Variants in CTSZ observed in about 807,000 individuals in gnomAD.
CTSZ encodes the protein carboxypeptidase LB.
CTSZ carries 39 observed loss-of-function variants against 32.4 expected under a neutral mutation model. That is an observed-to-expected ratio of 1.20 (90% CI 0.93 to 1.57). CTSZ has a LOEUF of 1.57. CTSZ is among the 40% of genes most tolerant of loss of function. CTSZ has a pLI of 0.00. For synonymous variants in CTSZ, 168 were observed against 170.1 expected (o/e 0.99, Z 0.10); for missense variants, 397 against 419.6 (o/e 0.95, Z 0.47).
At chr20:58,998,726 AAAG>A (rs1256089728) in intron 3 of CTSZ, among the ~76,000 whole-genome samples, 1 of 152,188 alleles carries the variant, frequency 6.6e-6, no homozygotes, top group Non-Finnish European at 1.5e-5. Flanking sequence ...AATTTAAAAA[AAAG>A]AAAAAGTACA....
chr20:58,995,701 C>G lies in CTSZ; in HGVS notation c.860G>C (p.Arg287Thr), dbSNP rs1373323945. 1.2e-6 allele frequency: 2 copies of G among 1,614,074 alleles called. No individual in the cohort carries two copies. Among genetic ancestry groups the G allele is most frequent in the Non-Finnish European group, 1.7e-6 (2 of 1,180,032 alleles). The part of the protein sequence containing the change: ...TSTYKDGKGA[R>T]YNLAIEEHCT... ...GTGCTCCTCGATGGCAAGGTTGTAT[C>G]TGGCGCCCTTCCCATCCTTATAGGT... The change falls in exon 6 of 6, where the codon AGA becomes ACA. Residue 287 changes from arginine (R) to threonine (T), a missense_variant. Physicochemically the swap from Arg to Thr is moderately conservative, Grantham distance 71 (BLOSUM62 -1). Coordinates refer to ENST00000217131, the MANE Select transcript of CTSZ (RefSeq NM_001336.4).
At position 59,002,055 on chromosome 20, in the gene CTSZ, G is replaced by A. The variant is rs1210904728; in HGVS notation, c.308-411C>T. 6.6e-6 allele frequency among the ~76,000 whole-genome samples: 1 copy of A among 152,260 alleles called. No individual in the cohort carries two copies. The highest frequency in any genetic ancestry group is 1.5e-5 in the Non-Finnish European group (1 of 68,040). On this transcript the variant is annotated intron_variant, in intron 2 of 5. Transcript: ENST00000217131. The surrounding 1 kb of genome is among the most constrained non-coding windows in gnomAD (Gnocchi z 4.1). ...GCCAGGAGAGACCGTCCCTGCCCTC[G>A]TGGACAGGGGGCCAAGGTGTCAGCT...
chr20:58,996,952 T>C (rs2091863516), intron 4 of CTSZ, 151 bp from the exon 5 acceptor site: 1 of 772,186 alleles, frequency 1.3e-6, no homozygotes, highest in African/African-American at 1.8e-5. Flanking sequence ...AGTCCAGGAA[T>C]TCAAGACCAG....
intron 2 of CTSZ, 22 bp downstream of exon 2, chr20:59,006,300 C>T (rs541770537): frequency 4.4e-6 from 7 of 1,578,968 alleles, no homozygotes; most frequent in Non-Finnish European, 2.6e-6. Context: ...TCCTGGCCCA[C>T]AGTCAAAGGG....
chr20:59,001,110 T>C (rs991541349), intron 3 of CTSZ, among the ~76,000 whole-genome samples: 4 of 152,180 alleles, frequency 2.6e-5, no homozygotes, highest in African/African-American at 9.7e-5. Flanking sequence ...ATTACAGGCA[T>C]GAGCCACCGC....
Position 58,997,605 on chromosome 20 carries a change from G to C in CTSZ, c.636C>G (p.Ile212Met). ...MMAEIYANGP[I>M]SCGIMATERL... ...TTGCCCGCGGGACCTCTCCTCACCT[G>C]ATGGGACCATTTGCATAGATTTCTG... The change falls in exon 4 of 6, where the codon ATC becomes ATG. Residue 212 changes from isoleucine to methionine, a missense_variant and splice_region_variant. Coordinates refer to ENST00000217131, the MANE Select transcript of CTSZ (RefSeq NM_001336.4). 6.3e-7 allele frequency: 1 copy of C among 1,586,766 alleles called. No individual in the cohort carries two copies. The highest frequency in any genetic ancestry group is 8.6e-7 in the Non-Finnish European group (1 of 1,165,202).
intron 2 of CTSZ, 78 bp from the exon 3 acceptor site, chr20:59,001,722 C>T (rs546041587): frequency 7.0e-5 from 104 of 1,488,420 alleles, no homozygotes; most frequent in South Asian, 5.7e-4. Context: ...ACGCCTCAGG[C>T]GGGATGCAGG....
Position 59,002,704 on chromosome 20 carries a change from C to T in CTSZ, c.308-1060G>A, listed in dbSNP as rs184308745. On this transcript the variant is annotated intron_variant, in intron 2 of 5. Transcript: ENST00000217131. The surrounding 1 kb of genome is among the most constrained non-coding windows in gnomAD (Gnocchi z 4.1). ...CATCACTGAAAAGTCCCAAAGCAGACCTCCATCCTGCCGCCACCCAGCCTG... is the reference window on the plus strand; with the variant it reads ...CATCACTGAAAAGTCCCAAAGCAGATCTCCATCCTGCCGCCACCCAGCCTG... Among the ~76,000 whole-genome samples, 1 of 152,132 alleles carries T rather than the reference C, an allele frequency of 6.6e-6. No individual in the cohort carries two copies. Among genetic ancestry groups the T allele is most frequent in the African/African-American group, 2.4e-5 (1 of 41,406 alleles).
Position 59,002,660 on chromosome 20 carries a change from C to T in CTSZ, c.308-1016G>A, listed in dbSNP as rs2091894322. On this transcript the variant is annotated intron_variant, in intron 2 of 5. Coordinates refer to ENST00000217131, the MANE Select transcript of CTSZ (RefSeq NM_001336.4). This position sits in a 1 kb window ranked among gnomAD's most constrained non-coding sequence, Gnocchi z 4.1. ...AGCCAGGGGCCTTCTGGAACTGTCC[C>T]TGCTCTGGTGACTTCACGCATCACT... 6.6e-6 allele frequency among the ~76,000 whole-genome samples: 1 copy of T among 151,884 alleles called. No individual in the cohort carries two copies. The highest frequency in any genetic ancestry group is 1.5e-5 in the Non-Finnish European group (1 of 68,030).
intron 3 of CTSZ, among the ~76,000 whole-genome samples, chr20:58,998,927 C>T (rs998196328): frequency 6.6e-6 from 1 of 152,252 alleles, no homozygotes; most frequent in African/African-American, 2.4e-5. Flanking sequence ...GTTCCTTGCA[C>T]ACCAAGTGCC....
chr20:59,001,370 G>A, intron 3 of CTSZ, 95 bp downstream of exon 3: 1 of 1,379,106 alleles, frequency 7.3e-7, no homozygotes, highest in Non-Finnish European at 9.8e-7. Flanking sequence ...CCAATGTGAG[G>A]AGCACGGGGT....
At position 58,995,777 on chromosome 20, in the gene CTSZ, G is replaced by T; in HGVS notation, c.802-18C>A. ...CTCTCGCCCTGTGAGAAGTGGGATC[G>T]CGCGTCAGCCCATCTGCAGCCGTCT... On this transcript the variant is annotated intron_variant, in intron 5 of 5. Coordinates refer to ENST00000217131, the MANE Select transcript of CTSZ (RefSeq NM_001336.4). 1 of 1,609,112 alleles carries T rather than the reference G, an allele frequency of 6.2e-7. No homozygotes were observed. Among genetic ancestry groups the T allele is most frequent in the South Asian group, 1.1e-5 (1 of 90,944 alleles).
intron 5 of CTSZ, 62 bp downstream of exon 5, chr20:58,996,577 G>A (rs752718978): frequency 3.9e-6 from 6 of 1,547,058 alleles, no homozygotes; most frequent in East Asian, 2.2e-5. Flanking sequence ...AACCATTCAA[G>A]CGAGAGGAGT....
At chr20:58,999,962 C>T (rs1010819369) in intron 3 of CTSZ, among the ~76,000 whole-genome samples, 4 of 152,010 alleles carry the variant, frequency 2.6e-5, no homozygotes, top group South Asian at 2.1e-4. Context: ...CCAGCTACTC[C>T]GGAGGCTGAG....
chr20:58,996,437 G>C (rs915547762), intron 5 of CTSZ: 1 of 584,666 alleles, frequency 1.7e-6, no homozygotes, highest in African/African-American at 1.9e-5. Context: ...AACACCCAAA[G>C]TGCACAGGAT....
At position 59,002,751 on chromosome 20, in the gene CTSZ, C is replaced by T. The variant is rs1187873545; in HGVS notation, c.308-1107G>A. Among the ~76,000 whole-genome samples the T allele has an allele frequency of 2.0e-5, 3 of 152,156 alleles. No homozygotes were observed. Among genetic ancestry groups the T allele is most frequent in the African/African-American group, 7.2e-5 (3 of 41,424 alleles). On this transcript the variant is annotated intron_variant, in intron 2 of 5. Coordinates refer to ENST00000217131, the MANE Select transcript of CTSZ (RefSeq NM_001336.4). The surrounding 1 kb of genome is among the most constrained non-coding windows in gnomAD (Gnocchi z 4.1). ...CCTGCCCATGCTCTGCACCCCAAAC[C>T]CTCTTCCTGGAGCAGCCGGTGGCTG...
intron 3 of CTSZ, among the ~76,000 whole-genome samples, chr20:58,998,820 G>A (rs1047051171): frequency 2.6e-5 from 4 of 152,210 alleles, no homozygotes; most frequent in African/African-American, 4.8e-5. Context: ...CCTGCCATTC[G>A]CTGCTTTGGC....
Position 59,001,480 on chromosome 20 carries a change from G to A in CTSZ, c.472C>T (p.Gln158Ter). 4 of 1,612,726 alleles carry A rather than the reference G, an allele frequency of 2.5e-6. No homozygotes were observed. Among genetic ancestry groups the A allele is most frequent in the African/African-American group, 1.3e-5 (1 of 75,040 alleles). Residue 158 changes from glutamine (Q) to a stop codon, truncating the protein, a stop_gained, in exon 3 of 6, where the codon CAG becomes TAG. Transcript: ENST00000217131. LOFTEE classifies it high-confidence loss of function. The stretch of plus-strand genomic sequence containing the variant: ...AGCAGCCTACCCTGGTCCTTGGCCT[G>A]GTAGTTGTTGCAGGTCTCGTCAGGG... ...GIPDETCNNY[Q>*]AKDQECDKFN...
At chr20:58,998,461 G>A (rs1221532805) in intron 3 of CTSZ, among the ~76,000 whole-genome samples, 4 of 151,560 alleles carry the variant, frequency 2.6e-5, no homozygotes, top group African/African-American at 7.3e-5. Context: ...CAGGAGAATC[G>A]CTTGAACCCG....
Sources: gnomAD v4.1 joint callset for allele counts (sites outside exome capture counted in the v4.1 genomes callset) on GRCh38, gnomAD v4.1.1 for gene constraint, Gnocchi (gnomAD v3.1) non-coding constraint, MANE v1.5 for transcripts, NCBI Gene and HGNC (gene_info 2026-07-23, HGNC 2026-07-21) for gene names.